CELF2: variants seen among roughly 807,000 people sequenced by gnomAD.
CELF2 encodes CUG triplet repeat RNA-binding protein 2.
A neutral mutation model predicts 62.6 loss-of-function variants in CELF2; 8 were observed. The ratio of observed to expected loss-of-function variants is 0.13; its 90% CI spans 0.07 to 0.23. The LOEUF is 0.23. Ranked by LOEUF, CELF2 falls within the 10% of genes least tolerant of loss-of-function variation. CELF2 has a pLI of 1.00. For missense variants in CELF2, 333 were observed against 671.0 expected, an observed-to-expected ratio of 0.50 and a Z score of 5.56; for synonymous variants, 258 against 250.0, an observed-to-expected ratio of 1.03 and a Z score of -0.30.
At chr10:11,240,443 C>T (rs1217412902) in intron 3 of CELF2, among the ~76,000 whole-genome samples, 1 of 152,214 alleles carries the variant, frequency 6.6e-6, no homozygotes, top group Non-Finnish European at 1.5e-5. Context: ...CACTTCTCAG[C>T]GTCTATGTAG....
At chr10:10,789,250 T>C in the CELF2 span, among the ~76,000 whole-genome samples, 4 of 152,320 alleles carry the variant, frequency 2.6e-5, no homozygotes, top group South Asian at 8.3e-4. Context: ...TGATATCACA[T>C]TCTATGTAAC....
chr10:10,589,161 G>A, the CELF2 span, among the ~76,000 whole-genome samples: 1 of 152,118 alleles, frequency 6.6e-6, no homozygotes, highest in Non-Finnish European at 1.5e-5. Flanking sequence ...GGAAGTGGGG[G>A]CTTCCAGGTC....
chr10:11,251,908 G>T (rs928482819), intron 4 of CELF2, among the ~76,000 whole-genome samples: 1 of 152,200 alleles, frequency 6.6e-6, no homozygotes, highest in Non-Finnish European at 1.5e-5. Flanking sequence ...GCCTGTCCAG[G>T]CCTGGGCTGT....
the CELF2 span, among the ~76,000 whole-genome samples, chr10:10,593,449 C>A: frequency 1.3e-5 from 2 of 152,164 alleles, no homozygotes; most frequent in Non-Finnish European, 2.9e-5. Flanking sequence ...CATGAGTATG[C>A]AAACCCCAAT....
the CELF2 span, among the ~76,000 whole-genome samples, chr10:10,756,378 T>C: frequency 5.9e-5 from 9 of 152,368 alleles, no homozygotes; most frequent in South Asian, 8.3e-4. Flanking sequence ...AATATTTGGA[T>C]AGTCATTCTG....
At chr10:11,226,122 G>A (rs575775339) in intron 3 of CELF2, among the ~76,000 whole-genome samples, 59 of 152,328 alleles carry the variant, frequency 3.9e-4, no homozygotes, top group African/African-American at 1.3e-3. Flanking sequence ...AACAGTCACC[G>A]TGAAGGAAGT....
At chr10:10,532,479 C>T in the CELF2 span, among the ~76,000 whole-genome samples, 2 of 152,136 alleles carry the variant, frequency 1.3e-5, no homozygotes, top group Non-Finnish European at 2.9e-5. Context: ...ACAGTTGGAA[C>T]CCTAAGAGTT....
the CELF2 span, among the ~76,000 whole-genome samples, chr10:10,481,358 C>G: frequency 6.6e-6 from 1 of 152,078 alleles, no homozygotes; most frequent in African/African-American, 2.4e-5. Context: ...CATCATGTAC[C>G]TAGTATATGT....
At chr10:10,632,253 G>A in the CELF2 span, among the ~76,000 whole-genome samples, 3 of 152,174 alleles carry the variant, frequency 2.0e-5, no homozygotes, top group Non-Finnish European at 4.4e-5. Context: ...AGAGACAGAT[G>A]CAAAGAGTTG....
intron 2 of CELF2, among the ~76,000 whole-genome samples, chr10:10,973,258 G>T (rs2050954216): frequency 2.0e-5 from 3 of 151,224 alleles, no homozygotes; most frequent in Admixed American, 2.0e-4. Context: ...TCCAGCCTGG[G>T]GGACAGAGGG....
intron 2 of CELF2, chr10:10,945,917 G>T (rs1373609426): frequency 6.6e-6 from 1 of 152,606 alleles, no homozygotes; most frequent in African/African-American, 2.4e-5. Flanking sequence ...TTTTCCCCCT[G>T]CTGGTTTGAT....
At chr10:10,932,670 A>ATGTGTG (rs1264193230) in intron 2 of CELF2, among the ~76,000 whole-genome samples, 5 of 120,652 alleles carry the variant, frequency 4.1e-5, no homozygotes, top group South Asian at 3.2e-4. Context: ...GTAAATATGT[A>ATGTGTG]TGTGTATGTG....
the CELF2 span, among the ~76,000 whole-genome samples, chr10:10,546,478 G>C: frequency 6.6e-6 from 1 of 152,168 alleles, no homozygotes; most frequent in Non-Finnish European, 1.5e-5. Context: ...CAGTCAGGTA[G>C]ATGAAACTTG....
the CELF2 span, among the ~76,000 whole-genome samples, chr10:10,731,834 A>G: frequency 6.6e-6 from 1 of 152,190 alleles, no homozygotes; most frequent in African/African-American, 2.4e-5. Context: ...GCAAACAGGT[A>G]ACTTCCAGAC....
At chr10:10,815,908 T>TG (rs943068638) in intron 1 of CELF2, among the ~76,000 whole-genome samples, 92 of 151,310 alleles carry the variant, frequency 6.1e-4, no homozygotes, top group Non-Finnish European at 1.1e-3. Flanking sequence ...TGGGTTGTTT[T>TG]TTTTTTTTTT....
At chr10:10,566,135 C>T in the CELF2 span, among the ~76,000 whole-genome samples, 2 of 152,066 alleles carry the variant, frequency 1.3e-5, no homozygotes, top group Non-Finnish European at 2.9e-5. Context: ...TGGTCTTTAC[C>T]CTCAAGGAAC....
the CELF2 span, among the ~76,000 whole-genome samples, chr10:10,530,446 G>A: frequency 2.6e-5 from 4 of 152,318 alleles, no homozygotes; most frequent in African/African-American, 4.8e-5. Context: ...TTTAGTAAAC[G>A]TTATCAATCT....
At chr10:11,155,712 G>A (rs969943350) in intron 1 of CELF2, among the ~76,000 whole-genome samples, 2 of 152,130 alleles carry the variant, frequency 1.3e-5, no homozygotes, top group Non-Finnish European at 2.9e-5. Flanking sequence ...AACAACTACC[G>A]TCATTAATAT....
At chr10:10,549,263 T>A in the CELF2 span, among the ~76,000 whole-genome samples, 4 of 152,144 alleles carry the variant, frequency 2.6e-5, no homozygotes, top group Non-Finnish European at 5.9e-5. Context: ...GATCAAGGTG[T>A]CAGTAGGGTT....
Sources: gnomAD v4.1 joint callset for allele counts (sites outside exome capture counted in the v4.1 genomes callset) on GRCh38, gnomAD v4.1.1 for gene constraint, MANE v1.5 for transcripts, NCBI Gene and HGNC (gene_info 2026-07-23, HGNC 2026-07-21) for gene names.